PLBD1: variants seen among roughly 807,000 people sequenced by gnomAD.
PLBD1 encodes the protein lysosomal leucine aminopeptidase.
Under a neutral mutation model 63.0 loss-of-function variants are expected in PLBD1, and 60 were observed. The ratio of observed to expected loss-of-function variants is 0.95; its 90% CI spans 0.77 to 1.18. PLBD1 has a LOEUF of 1.18. Ranked by LOEUF, PLBD1 falls within the 50% of genes most tolerant of loss-of-function variation. The pLI is 0.00. For synonymous variants in PLBD1, 262 were observed against 248.0 expected (o/e 1.06, Z -0.53); for missense variants, 598 against 677.9 (o/e 0.88, Z 1.31).
In PLBD1 at chr12:14,566,078, G is replaced by A. The variant is rs79496111; in HGVS notation, c.115+1504C>T. Among the ~76,000 whole-genome samples, 116 of 152,004 alleles carry A rather than the reference G, an allele frequency of 7.6e-4. 2 individuals carry two copies. The East Asian group carries it at 0.017, about 23-fold the overall frequency. ...CCTACAAAAACACTTAATCTCACTC[G>A]TCCAAAAAAACAGAAAAGGAATAAA... On this transcript the variant is annotated intron_variant, in intron 1 of 10. Transcript: ENST00000240617.
intron 6 of PLBD1, among the ~76,000 whole-genome samples, chr12:14,512,106 T>C (rs1945302788): frequency 6.6e-6 from 1 of 152,054 alleles, no homozygotes; most frequent in African/African-American, 2.4e-5. Context: ...TGCCTTTTTT[T>C]CTTCTTTTCT....
intron 6 of PLBD1, among the ~76,000 whole-genome samples, chr12:14,518,429 G>C (rs1250241767): frequency 6.6e-6 from 1 of 152,180 alleles, no homozygotes; most frequent in East Asian, 1.9e-4. Context: ...CAAGTCCTGT[G>C]CTGAACACAT....
At chr12:14,549,712 A>T (rs1304554643) in intron 2 of PLBD1, among the ~76,000 whole-genome samples, 1 of 152,010 alleles carries the variant, frequency 6.6e-6, no homozygotes, top group East Asian at 1.9e-4. Context: ...CTTGTTGCCC[A>T]GGCTGGAGTG....
At chr12:14,549,933 G>A (rs902195584) in intron 2 of PLBD1, among the ~76,000 whole-genome samples, 35 of 152,172 alleles carry the variant, frequency 2.3e-4, no homozygotes, top group African/African-American at 7.7e-4. Context: ...CTCCCAAAGT[G>A]TTGGGTTTAC....
intron 6 of PLBD1, among the ~76,000 whole-genome samples, chr12:14,529,670 A>T (rs992305308): frequency 3.3e-5 from 5 of 152,200 alleles, no homozygotes; most frequent in Non-Finnish European, 7.3e-5. Context: ...TTAACATCAT[A>T]CTTAATGGTG....
At chr12:14,562,584 T>C (rs2039113322) in intron 1 of PLBD1, among the ~76,000 whole-genome samples, 1 of 152,160 alleles carries the variant, frequency 6.6e-6, no homozygotes. Flanking sequence ...TTTACCACAT[T>C]AATTCCTGTT....
Position 14,511,545 on chromosome 12 carries a change from C to G in PLBD1, c.1011G>C (p.Lys337Asn). 6.2e-7 allele frequency: 1 copy of G among 1,614,226 alleles called. No individual in the cohort carries two copies. Among genetic ancestry groups the G allele is most frequent in the Non-Finnish European group, 8.5e-7 (1 of 1,180,032 alleles). Residue 337 changes from lysine (K) to asparagine (N), a missense_variant, in exon 7 of 11, where the codon AAG becomes AAC. Coordinates refer to ENST00000240617, the MANE Select transcript of PLBD1 (RefSeq NM_024829.6). ...ATTTTGAAAAGATGTCTGCCCACCT[C>G]TTGCCACTATCTGCCATCATATTGG... ...RVANMMADSG[K>N]RWADIFSKYN...
chr12:14,566,924 G>A (rs1410262802), intron 1 of PLBD1, among the ~76,000 whole-genome samples: 1 of 152,042 alleles, frequency 6.6e-6, no homozygotes, highest in Non-Finnish European at 1.5e-5. Flanking sequence ...GTGAAACCTC[G>A]TCTCTACTAA....
chr12:14,533,050 C>G (rs1422984318), intron 6 of PLBD1: 1 of 152,116 alleles, frequency 6.6e-6, no homozygotes, highest in South Asian at 2.1e-4. Flanking sequence ...TCAATCTCCA[C>G]TTTGTATTTT....
At chr12:14,545,039 C>G (rs1945607011) in intron 2 of PLBD1, among the ~76,000 whole-genome samples, 1 of 152,070 alleles carries the variant, frequency 6.6e-6, no homozygotes, top group South Asian at 2.1e-4. Context: ...CTCCCTCTTT[C>G]TCTGTCCAAA....
chr12:14,536,738 C>T lies in PLBD1; in HGVS notation c.559-28G>A, dbSNP rs1309188604. On this transcript the variant is annotated intron_variant, in intron 4 of 10. Coordinates refer to ENST00000240617, the MANE Select transcript of PLBD1 (RefSeq NM_024829.6). ...AGGAAAGGACAAAGACTGCACTTAA[C>T]ATCGTTTTGTGACAGACATCATTTC... is the stretch of plus-strand genomic sequence containing the variant. 2.5e-6 allele frequency: 4 copies of T among 1,607,878 alleles called. No individual in the cohort carries two copies. In the African/African-American group the frequency reaches 5.4e-5, roughly 22 times the overall value.
intron 6 of PLBD1, among the ~76,000 whole-genome samples, chr12:14,534,730 A>G (rs1477165502): frequency 6.6e-6 from 1 of 152,006 alleles, no homozygotes; most frequent in African/African-American, 2.4e-5. Flanking sequence ...TTTTTAGTAG[A>G]GACAGGGTTC....
intron 1 of PLBD1, among the ~76,000 whole-genome samples, chr12:14,563,053 T>C (rs1479405802): frequency 1.3e-5 from 2 of 152,240 alleles, no homozygotes; most frequent in Non-Finnish European, 2.9e-5. Flanking sequence ...AGGAGGATCC[T>C]TTTAAATATT....
chr12:14,534,379 G>A (rs1182228718), intron 6 of PLBD1, among the ~76,000 whole-genome samples: 1 of 152,102 alleles, frequency 6.6e-6, no homozygotes, highest in East Asian at 1.9e-4. Flanking sequence ...CACATGCTTT[G>A]TTGGATTCAC....
At chr12:14,562,921 ATT>A (rs1220814340) in intron 1 of PLBD1, among the ~76,000 whole-genome samples, 1 of 152,144 alleles carries the variant, frequency 6.6e-6, no homozygotes, top group African/African-American at 2.4e-5. Flanking sequence ...GAAAACAAAA[ATT>A]TCTTTTCTGC....
chr12:14,522,960 A>G (rs1314814354), intron 6 of PLBD1, among the ~76,000 whole-genome samples: 2 of 152,104 alleles, frequency 1.3e-5, no homozygotes, highest in African/African-American at 4.8e-5. Context: ...GGAACAAGAC[A>G]CAAATGCACC....
intron 8 of PLBD1, among the ~76,000 whole-genome samples, chr12:14,510,264 C>T (rs577063581): frequency 4.6e-4 from 70 of 152,180 alleles, no homozygotes; most frequent in African/African-American, 1.5e-3. Context: ...TGTGGTGGCA[C>T]GTGCCTGTAG....
chr12:14,514,444 C>A (rs934623646), intron 6 of PLBD1, among the ~76,000 whole-genome samples: 12 of 152,132 alleles, frequency 7.9e-5, no homozygotes, highest in Admixed American at 7.9e-4. Flanking sequence ...AGAGGGCAGG[C>A]GTTCTTTAAT....
At position 14,511,950 on chromosome 12, in the gene PLBD1, G is replaced by C. The variant is rs192881531; in HGVS notation, c.845-239C>G. Among the ~76,000 whole-genome samples, 188 of 152,224 alleles carry C rather than the reference G, an allele frequency of 1.2e-3. 1 individual carries two copies. Among genetic ancestry groups the C allele is most frequent in the African/African-American group, 4.3e-3 (180 of 41,528 alleles). On this transcript the variant is annotated intron_variant, in intron 6 of 10. Transcript: ENST00000240617. ...ATTCTCCATTGAAAATTTATTTTGT[G>C]ATTTGAAATAACAAAAATATGTTAA...
Sources: allele counts gnomAD v4.1 joint callset (sites outside exome capture counted in the v4.1 genomes callset), GRCh38; gene constraint gnomAD v4.1.1; transcripts MANE v1.5; gene names NCBI Gene and HGNC (gene_info 2026-07-23, HGNC 2026-07-21).